The following IFT52 variants were observed in gnomAD, a reference collection of about 807,000 sequenced individuals.
IFT52 encodes intraflagellar transport protein 52 homolog.
IFT52 carries 44 observed loss-of-function variants against 54.4 expected under a neutral mutation model. The observed-to-expected ratio is 0.81, with a 90% confidence interval of 0.63 to 1.04. The LOEUF (loss-of-function observed/expected upper bound fraction) is 1.04, where lower values mean the gene tolerates loss of function less well. IFT52 is among the 50% of genes least tolerant of loss of function. The probability of loss-of-function intolerance (pLI) is 0.00; values close to 1 mark genes in which losing one functional copy is unlikely to be tolerated. For missense variants in IFT52, 452 were observed against 523.6 expected (o/e 0.86, Z 1.33); for synonymous variants, 181 against 185.3 (o/e 0.98, Z 0.19).
intron 10 of IFT52, among the ~76,000 whole-genome samples, chr20:43,625,972 G>GA (rs1984682901): frequency 6.8e-6 from 1 of 146,050 alleles, no homozygotes; most frequent in Non-Finnish European, 1.5e-5. Context: ...AAAGGTTAAG[G>GA]CTGCAGTGAC....
intron 10 of IFT52, among the ~76,000 whole-genome samples, chr20:43,626,198 G>A (rs889915913): frequency 2.6e-5 from 4 of 151,700 alleles, no homozygotes; most frequent in Non-Finnish European, 5.9e-5. Context: ...AGAGATCTCT[G>A]AGCTGCACAT....
Position 43,635,927 on chromosome 20 carries a change from G to T in IFT52, c.925G>T (p.Ala309Ser). 6.2e-7 allele frequency: 1 copy of T among 1,614,048 alleles called. No homozygotes were observed. Among genetic ancestry groups the T allele is most frequent in the Middle Eastern group, 1.6e-4 (1 of 6,062 alleles). ...DTTSFHSVIEAHEQLNVKHEP... is the reference protein window; with the variant it reads ...DTTSFHSVIESHEQLNVKHEP... ...TTTTTTGTTTGATTATGAACACAGG[G>T]CTCACGAGCAGCTAAATGTGAAACA... Residue 309 changes from alanine to serine, a missense_variant and splice_region_variant, in exon 11 of 14, where the codon GCT (alanine) becomes TCT (serine). Transcript: ENST00000373030.
Position 43,603,847 on chromosome 20 carries a change from A to G in IFT52, c.295A>G (p.Ile99Val). Residue 99 changes from isoleucine to valine, a missense_variant, in exon 4 of 14, where the codon ATT becomes GTT. Physicochemically the swap from Ile to Val is conservative, Grantham distance 29 (BLOSUM62 3). Coordinates refer to ENST00000373030, the MANE Select transcript of IFT52 (RefSeq NM_016004.5). ...EGGESRFDTNINFLLEEYGIM... is the reference protein window; with the variant it reads ...EGGESRFDTNVNFLLEEYGIM... Reference sequence around the variant, plus strand: ...TGGAGAATCCAGATTTGACACCAATATTAACTTTTTACTAGAAGAATATGG... The same window carrying G: ...TGGAGAATCCAGATTTGACACCAATGTTAACTTTTTACTAGAAGAATATGG... The G allele has an allele frequency of 1.9e-6, 3 of 1,544,414 alleles. No homozygotes were observed. The South Asian group carries it at 3.4e-5, about 18-fold the overall frequency.
chr20:43,631,519 G>A lies in IFT52; in HGVS notation c.924-4407G>A, dbSNP rs114303577. 6.6e-3 allele frequency among the ~76,000 whole-genome samples: 1,011 copies of A among 152,250 alleles called. 11 individuals are homozygous for A. Among genetic ancestry groups the A allele is most frequent in the African/African-American group, 0.023 (961 of 41,570 alleles). ...TGGTTTTCTAGCTTAACTTTGAAGG[G>A]CTACAAATATATGTACAATTTAAAC... On this transcript the variant is annotated intron_variant, in intron 10 of 13. Transcript: ENST00000373030.
chr20:43,595,419 C>T (rs1307767690), intron 2 of IFT52, among the ~76,000 whole-genome samples: 5 of 151,174 alleles, frequency 3.3e-5, no homozygotes, highest in African/African-American at 4.9e-5. Context: ...CATGATCGTG[C>T]GTGCCTATGG....
At chr20:43,608,645 C>T (rs1466106330) in intron 6 of IFT52, among the ~76,000 whole-genome samples, 2 of 152,194 alleles carry the variant, frequency 1.3e-5, no homozygotes, top group Non-Finnish European at 2.9e-5. Context: ...TGGCTCACCC[C>T]TATAATCCCA....
chr20:43,613,986 T>TTC lies in IFT52; in HGVS notation c.612+12_612+13dup. 6.2e-7 allele frequency: 1 copy of TTC among 1,609,452 alleles called. No individual in the cohort carries two copies. Among genetic ancestry groups the TTC allele is most frequent in the Non-Finnish European group, 8.5e-7 (1 of 1,176,644 alleles). On this transcript the variant is annotated intron_variant, in intron 7 of 13. Transcript: ENST00000373030. ...TTTCTATCACTCAAAGGTACAGCTT[T>TTC]TCTTAGATATGGGTATAGATGTTAT...
chr20:43,598,078 A>C (rs1038653130), intron 3 of IFT52, among the ~76,000 whole-genome samples: 1 of 152,184 alleles, frequency 6.6e-6, no homozygotes, highest in Non-Finnish European at 1.5e-5. Context: ...AAGATATGGT[A>C]TATACATACA....
chr20:43,613,026 C>T (rs1185096893), intron 6 of IFT52, among the ~76,000 whole-genome samples: 2 of 152,138 alleles, frequency 1.3e-5, no homozygotes, highest in Admixed American at 6.6e-5. Context: ...GTACATTGCC[C>T]CAGGTCAGAC....
chr20:43,606,878 T>A (rs1379419248), intron 6 of IFT52, among the ~76,000 whole-genome samples: 1 of 152,180 alleles, frequency 6.6e-6, no homozygotes, highest in Non-Finnish European at 1.5e-5. Flanking sequence ...ACACAGCACA[T>A]GTTTCAGAGA....
chr20:43,625,330 G>A (rs1018860976), intron 10 of IFT52, among the ~76,000 whole-genome samples: 1 of 151,998 alleles, frequency 6.6e-6, no homozygotes, highest in South Asian at 2.1e-4. Context: ...CCAACATGGC[G>A]AAACCCCGTC....
At chr20:43,601,189 TA>T (rs1321470443) in intron 3 of IFT52, among the ~76,000 whole-genome samples, 1 of 152,110 alleles carries the variant, frequency 6.6e-6, no homozygotes, top group Non-Finnish European at 1.5e-5. Flanking sequence ...TATTTTGCCA[TA>T]TTAATATTAA....
At chr20:43,598,084 A>C (rs898742845) in intron 3 of IFT52, among the ~76,000 whole-genome samples, 1 of 152,180 alleles carries the variant, frequency 6.6e-6, no homozygotes, top group Non-Finnish European at 1.5e-5. Context: ...TGGTATATAC[A>C]TACAATGGAA....
intron 9 of IFT52, 137 bp from the exon 10 acceptor site, chr20:43,623,754 G>T: frequency 1.0e-6 from 1 of 958,538 alleles, no homozygotes; most frequent in African/African-American, 1.6e-5. Flanking sequence ...TTAAGGTTTA[G>T]TGTCAGTGAT....
At chr20:43,603,185 TGA>T (rs1435889174) in intron 3 of IFT52, among the ~76,000 whole-genome samples, 1 of 152,092 alleles carries the variant, frequency 6.6e-6, no homozygotes, top group Non-Finnish European at 1.5e-5. Context: ...TTTGTGAAAA[TGA>T]GAGAGCTTCC....
chr20:43,601,897 G>T (rs1052342605), intron 3 of IFT52, among the ~76,000 whole-genome samples: 1 of 152,002 alleles, frequency 6.6e-6, no homozygotes, highest in Non-Finnish European at 1.5e-5. Context: ...TTCTGTTGTT[G>T]TTCCAAAAAA....
chr20:43,628,731 G>A (rs1984935418), intron 10 of IFT52, among the ~76,000 whole-genome samples: 1 of 152,066 alleles, frequency 6.6e-6, no homozygotes, highest in African/African-American at 2.4e-5. Flanking sequence ...CGCGCCTGTA[G>A]TCCCAGCTAC....
chr20:43,616,760 C>T (rs1002834945), intron 7 of IFT52, among the ~76,000 whole-genome samples: 1 of 151,826 alleles, frequency 6.6e-6, no homozygotes, highest in African/African-American at 2.4e-5. Context: ...GTGACTCATG[C>T]CTATAATCTT....
intron 3 of IFT52, among the ~76,000 whole-genome samples, chr20:43,600,926 G>A (rs1982392929): frequency 1.3e-5 from 2 of 152,022 alleles, no homozygotes; most frequent in African/African-American, 4.8e-5. Flanking sequence ...AGCCGAGATC[G>A]AGCCACTGCA....
Sources: allele counts gnomAD v4.1 joint callset (sites outside exome capture counted in the v4.1 genomes callset), GRCh38; gene constraint gnomAD v4.1.1; transcripts MANE v1.5; gene names NCBI Gene and HGNC (gene_info 2026-07-23, HGNC 2026-07-21).